The following PROM2 variants were observed in gnomAD, a reference collection of about 807,000 sequenced individuals.
PROM2 encodes prominin 2, also known as prominin-2.
In PROM2, 90 loss-of-function variants were observed where a neutral mutation model predicts 110.2. That is an observed-to-expected ratio of 0.82 (90% CI 0.69 to 0.97). The LOEUF is 0.97. Ranked by LOEUF, PROM2 falls within the 50% of genes least tolerant of loss-of-function variation. The pLI is 0.00. For missense variants in PROM2, 1,009 were observed against 1,074.8 expected (o/e 0.94, Z 0.86); for synonymous variants, 470 against 467.8 (o/e 1.00, Z -0.06).
In PROM2 at chr2:95,274,690, G is replaced by A. The variant is rs776099688; in HGVS notation, c.105G>A (p.Pro35=). ...AGATDCKFLG[P]AEHLTFTPAA... ...CCACAGACTGCAAGTTCCTTGGCCC[G>A]GCAGAGCACCTGACATTCACCCCAG... Residue 35 remains proline, a synonymous_variant, in exon 1 of 24, where the codon CCG becomes CCA. Coordinates refer to ENST00000317620, the MANE Select transcript of PROM2 (RefSeq NM_001165978.3). 12 of 1,612,726 alleles carry A rather than the reference G, an allele frequency of 7.4e-6. No homozygotes were observed. Among genetic ancestry groups the A allele is most frequent in the Admixed American group, 3.3e-5 (2 of 59,970 alleles).
intron 17 of PROM2, 54 bp from the exon 18 acceptor site, chr2:95,286,750 C>A: frequency 1.4e-6 from 2 of 1,417,488 alleles, no homozygotes; most frequent in African/African-American, 1.4e-5. Flanking sequence ...CCTCCCCTCT[C>A]CTCCCTCCCC....
chr2:95,280,948 C>T (rs560597211), intron 11 of PROM2, among the ~76,000 whole-genome samples: 5 of 152,188 alleles, frequency 3.3e-5, no homozygotes, highest in East Asian at 1.9e-4. Flanking sequence ...GGTGTGAGCC[C>T]GGATAGTCCT....
intron 16 of PROM2, 109 bp downstream of exon 16, chr2:95,285,819 C>T (rs1004680263): frequency 1.9e-6 from 2 of 1,036,636 alleles, no homozygotes; most frequent in African/African-American, 3.2e-5. Flanking sequence ...AGGACCCCCA[C>T]CAGTGAGGCC....
Position 95,274,610 on chromosome 2 carries a change from G to C in PROM2, c.25G>C (p.Ala9Pro). 2.5e-6 allele frequency: 4 copies of C among 1,597,634 alleles called. No individual in the cohort carries two copies. Among genetic ancestry groups the C allele is most frequent in the Non-Finnish European group, 3.4e-6 (4 of 1,169,614 alleles). The change falls in exon 1 of 24, where the codon GCT (alanine) becomes CCT (proline). Residue 9 changes from alanine to proline, a missense_variant. Transcript: ENST00000317620. MKHTLALL[A>P]PLLGLGLGLA... is the part of the protein sequence containing the mutation. The stretch of plus-strand genomic sequence containing the variant: ...CATGAAGCACACACTGGCTCTGCTG[G>C]CTCCCCTGCTGGGCCTGGGCCTGGG...
chr2:95,277,735 G>T (rs1676760775), intron 7 of PROM2, 169 bp downstream of exon 7: 1 of 778,152 alleles, frequency 1.3e-6, no homozygotes, highest in African/African-American at 1.7e-5. Context: ...CCCAGGCCAC[G>T]CCCTGTACGT....
chr2:95,288,919 C>CTT lies in PROM2; in HGVS notation c.2442-12_2442-11dup, dbSNP rs1164527816. ...GGGGAAGGGTATGCTCACTCTCTGT[C>CTT]TTTGACACTGCAGCTCCACCAGCTC... On this transcript the variant is annotated splice_polypyrimidine_tract_variant and intron_variant, in intron 22 of 23. Transcript: ENST00000317620. 8 of 1,613,514 alleles carry CTT rather than the reference C, an allele frequency of 5.0e-6. No homozygotes were observed. The highest frequency in any genetic ancestry group is 6.8e-6 in the Non-Finnish European group (8 of 1,179,412).
chr2:95,289,067 A>C, intron 23 of PROM2, 61 bp downstream of exon 23: 1 of 607,438 alleles, frequency 1.6e-6, no homozygotes, highest in Non-Finnish European at 3.1e-6. Context: ...TGGGGTGGGG[A>C]GGGGCTGGGG....
At position 95,285,625 on chromosome 2, in the gene PROM2, C is replaced by G. The variant is rs1161868573; in HGVS notation, c.1876-14C>G. On this transcript the variant is annotated splice_polypyrimidine_tract_variant and intron_variant, in intron 15 of 23. Coordinates refer to ENST00000317620, the MANE Select transcript of PROM2 (RefSeq NM_001165978.3). ...CTGGGTTCATCCCTCCTGGCCTCTT[C>G]TGTCCACCTGCAGATCCAGAGGCCC... The G allele has an allele frequency of 6.3e-7, 1 of 1,584,062 alleles. No homozygotes were observed. The highest frequency in any genetic ancestry group is 1.3e-5 in the African/African-American group (1 of 74,222).
rs1486022681 is a variant in PROM2 at position 95,286,988 on chromosome 2, G to A, written c.2094+131G>A. On this transcript the variant is annotated intron_variant, in intron 18 of 23. Transcript: ENST00000317620. ...AGGTGGGGTTGGGAGGAAGATGGGGGTGGCAGCAGAGCCTGGGGGATCACC... is the reference window on the plus strand; with the variant it reads ...AGGTGGGGTTGGGAGGAAGATGGGGATGGCAGCAGAGCCTGGGGGATCACC... The A allele has an allele frequency of 1.9e-5, 24 of 1,283,416 alleles. No individual in the cohort carries two copies. In the South Asian group the frequency reaches 2.8e-4, roughly 15 times the overall value. The allele number at this position is 1,283,416 out of a possible 1,614,324, so 79.5% of individuals were successfully genotyped here.
chr2:95,279,613 G>A (rs1573451121), intron 10 of PROM2, among the ~76,000 whole-genome samples: 1 of 152,122 alleles, frequency 6.6e-6, no homozygotes, highest in East Asian at 1.9e-4. Context: ...ATATTTTTAA[G>A]CCAAGACCCC....
In PROM2 at chr2:95,279,975, G is replaced by A. The variant is rs764619964; in HGVS notation, c.1405G>A (p.Ala469Thr). ...CAGCCACCCAGAAGCCAAGGGCGAG[G>A]CTGGAGCCCGCTTCCTCATGGCGTA... ...DPSHPEAKGE[A>T]GARFLMAGVG... is the part of the protein sequence containing the mutation. The change falls in exon 11 of 24, where the codon GCT (alanine) becomes ACT (threonine). Residue 469 changes from alanine (A) to threonine (T), a missense_variant. Physicochemically the swap from Ala to Thr is moderately conservative, Grantham distance 58 (BLOSUM62 0). Transcript: ENST00000317620. 23 of 1,470,684 alleles carry A rather than the reference G, an allele frequency of 1.6e-5. No homozygotes were observed. Among genetic ancestry groups the A allele is most frequent in the Non-Finnish European group, 2.1e-5 (23 of 1,106,998 alleles). 91.1% of individuals were successfully genotyped at this position (1,470,684 alleles called of 1,614,324 possible).
rs889986219 is a variant in PROM2 at position 95,276,714 on chromosome 2, T to C, written c.682+57T>C. The stretch of plus-strand genomic sequence containing the variant: ...GCTCCTTCCAGGGCCCCTGCTCGGG[T>C]GCCTCGGTGGGGGCCTCTCACTCCC... On this transcript the variant is annotated intron_variant, in intron 5 of 23. Transcript: ENST00000317620. The surrounding 1 kb of genome is among the most constrained non-coding windows in gnomAD (Gnocchi z 4.6). The C allele has an allele frequency of 1.5e-5, 24 of 1,579,414 alleles. No homozygotes were observed.
Position 95,281,253 on chromosome 2 carries a change from T to G in PROM2, c.1439T>G (p.Leu480Arg). 8 of 1,612,902 alleles carry G rather than the reference T, an allele frequency of 5.0e-6. No individual in the cohort carries two copies. Among genetic ancestry groups the G allele is most frequent in the Non-Finnish European group, 6.8e-6 (8 of 1,179,960 alleles). ...CTCGCCTACCCCAGAGGTGTGGGCC[T>G]CAGCTTCCTCTTTGCTGCACCCCTC... ...GARFLMAGVG[L>R]SFLFAAPLIL... Residue 480 changes from leucine (L) to arginine (R), a missense_variant, in exon 12 of 24, where the codon CTC becomes CGC. By Grantham distance (102) the Leu-to-Arg change is moderately radical. Transcript: ENST00000317620.
chr2:95,277,573 A>G lies in PROM2; in HGVS notation c.975+7A>G. The G allele has an allele frequency of 6.5e-7, 1 of 1,547,698 alleles. No homozygotes were observed. The highest frequency in any genetic ancestry group is 8.7e-7 in the Non-Finnish European group (1 of 1,149,242). On this transcript the variant is annotated splice_region_variant and intron_variant, in intron 7 of 23. Coordinates refer to ENST00000317620, the MANE Select transcript of PROM2 (RefSeq NM_001165978.3). ...GGGTGCTGACTTCAGCCAGGTGCAG[A>G]CCCAGGACAGAGTCCTCTTAAAGCC...
Position 95,274,791 on chromosome 2 carries a change from G to T in PROM2, c.206G>T (p.Arg69Leu). 1.2e-6 allele frequency: 2 copies of T among 1,605,214 alleles called. No homozygotes were observed. The highest frequency in any genetic ancestry group is 1.1e-5 in the South Asian group (1 of 90,656). ...LLDSLYGTVR[R>L]FLSVVQLNPF... The stretch of plus-strand genomic sequence containing the variant: ...GACTCCCTCTATGGCACCGTGCGCC[G>T]CTTCCTCTCGGTGGTGCAGCTCAAT... Residue 69 changes from arginine (R) to leucine (L), a missense_variant, in exon 1 of 24, where the codon CGC (arginine) becomes CTC (leucine). Coordinates refer to ENST00000317620, the MANE Select transcript of PROM2 (RefSeq NM_001165978.3).
At position 95,285,666 on chromosome 2, in the gene PROM2, A is replaced by G; in HGVS notation, c.1903A>G (p.Met635Val). The G allele has an allele frequency of 1.2e-6, 2 of 1,604,816 alleles. No individual in the cohort carries two copies. The highest frequency in any genetic ancestry group is 1.1e-5 in the South Asian group (1 of 89,038). The change falls in exon 16 of 24, where the codon ATG (methionine) becomes GTG (valine). Residue 635 changes from methionine (M) to valine (V), a missense_variant. Met to Val is a conservative substitution (Grantham distance 21). Coordinates refer to ENST00000317620, the MANE Select transcript of PROM2 (RefSeq NM_001165978.3). Reference sequence around the variant, plus strand: ...CCAGAGGCCCGTGGTGAAGACCAGCATGGAGCAGCTGGCCCAGGAGCTGCA... The same window carrying G: ...CCAGAGGCCCGTGGTGAAGACCAGCGTGGAGCAGCTGGCCCAGGAGCTGCA... ...QIQRPVVKTS[M>V]EQLAQELQGL...
In PROM2 at chr2:95,278,804, A is replaced by G. The variant is rs767403623; in HGVS notation, c.1114+20A>G. On this transcript the variant is annotated intron_variant, in intron 9 of 23. Coordinates refer to ENST00000317620, the MANE Select transcript of PROM2 (RefSeq NM_001165978.3). ...TGCAAGGTTAGGCCACACGGGTCAG[A>G]GGCAGCTGCCAGGCATGGCTTCCCA... The G allele has an allele frequency of 1.2e-6, 2 of 1,613,966 alleles. No individual in the cohort carries two copies. The highest frequency in any genetic ancestry group is 1.1e-5 in the South Asian group (1 of 91,084).
At position 95,284,880 on chromosome 2, in the gene PROM2, C is replaced by T. The variant is rs927602570; in HGVS notation, c.1729-89C>T. The stretch of plus-strand genomic sequence containing the variant: ...GAGGGGACAAATATCCAAACCATAT[C>T]GCCTGGTGACCCCTGTGCTTAGGGG... On this transcript the variant is annotated intron_variant, in intron 14 of 23. Coordinates refer to ENST00000317620, the MANE Select transcript of PROM2 (RefSeq NM_001165978.3). 9.4e-6 allele frequency: 13 copies of T among 1,379,390 alleles called. No individual in the cohort carries two copies. In the African/African-American group the frequency reaches 1.5e-4, roughly 15 times the overall value. The allele number at this position is 1,379,390 out of a possible 1,614,324, so 85.4% of individuals were successfully genotyped here.
chr2:95,279,371 A>G (rs112575282), intron 10 of PROM2, among the ~76,000 whole-genome samples: 34 of 150,310 alleles, frequency 2.3e-4, no homozygotes, highest in Non-Finnish European at 4.6e-4. Flanking sequence ...ATCTTGGGTC[A>G]CTGCAACCTC....
Sources: gnomAD v4.1 joint callset for allele counts (sites outside exome capture counted in the v4.1 genomes callset) on GRCh38, gnomAD v4.1.1 for gene constraint, Gnocchi (gnomAD v3.1) non-coding constraint, MANE v1.5 for transcripts, NCBI Gene and HGNC (gene_info 2026-07-23, HGNC 2026-07-21) for gene names.